Variants in SLCO6A1 observed in about 807,000 individuals in gnomAD.
The protein encoded by SLCO6A1 is cancer/testis antigen 48.
Under a neutral mutation model 72.7 loss-of-function variants are expected in SLCO6A1, and 65 were observed. The observed-to-expected ratio is 0.89, with a 90% CI of 0.73 to 1.10. The LOEUF (loss-of-function observed/expected upper bound fraction) is 1.10. Ranked by LOEUF, SLCO6A1 falls within the 50% of genes least tolerant of loss-of-function variation. SLCO6A1 has a pLI of 0.00. For synonymous variants in SLCO6A1, 314 were observed against 298.2 expected (o/e 1.05, Z -0.55); for missense variants, 874 against 872.6 (o/e 1.00, Z -0.02).
chr5:102,398,370 G>T (rs1747216069), intron 10 of SLCO6A1, among the ~76,000 whole-genome samples: 1 of 151,958 alleles, frequency 6.6e-6, no homozygotes, highest in Non-Finnish European at 1.5e-5. Flanking sequence ...TAGAGACAGG[G>T]TTTCACCATG....
intron 6 of SLCO6A1, among the ~76,000 whole-genome samples, chr5:102,440,442 C>T (rs542894103): frequency 6.6e-6 from 1 of 152,264 alleles, no homozygotes; most frequent in Admixed American, 6.5e-5. Flanking sequence ...CTGTCACTAT[C>T]TCCCATCACC....
chr5:102,391,206 A>G, intron 10 of SLCO6A1, 161 bp from the exon 11 acceptor site: 1 of 631,304 alleles, frequency 1.6e-6, no homozygotes, highest in South Asian at 2.1e-5. Flanking sequence ...AAAGGACTAC[A>G]ACTCCCCATT....
At chr5:102,476,967 T>C (rs909404379) in intron 3 of SLCO6A1, among the ~76,000 whole-genome samples, 5 of 152,122 alleles carry the variant, frequency 3.3e-5, no homozygotes, top group Non-Finnish European at 5.9e-5. Context: ...TTCTGAGATA[T>C]AGCCAGGATT....
At chr5:102,442,408 C>CT (rs1239602698) in intron 6 of SLCO6A1, among the ~76,000 whole-genome samples, 1 of 152,124 alleles carries the variant, frequency 6.6e-6, no homozygotes, top group Non-Finnish European at 1.5e-5. Context: ...ACAATAATGT[C>CT]TATTTTTTTG....
rs188780062 is a variant in SLCO6A1 at position 102,451,437 on chromosome 5, C to T, written c.1131+6945G>A. ...GGGGGCATGTGAGAGAACCTGGCCT[C>T]CTTTATTGGCAGAAACACAGCTGCT... On this transcript the variant is annotated intron_variant, in intron 6 of 13. Coordinates refer to ENST00000506729, the MANE Select transcript of SLCO6A1 (RefSeq NM_173488.5). 6.6e-4 allele frequency among the ~76,000 whole-genome samples: 101 copies of T among 152,284 alleles called. 1 individual carries two copies. The highest frequency in any genetic ancestry group is 3.1e-3 in the East Asian group (16 of 5,178).
chr5:102,432,187 T>C (rs1165906805), intron 7 of SLCO6A1, among the ~76,000 whole-genome samples: 1 of 152,210 alleles, frequency 6.6e-6, no homozygotes, highest in African/African-American at 2.4e-5. Context: ...TGCTTTTCTA[T>C]TCAGCTTGCC....
chr5:102,389,933 T>C (rs1244960299), intron 11 of SLCO6A1, among the ~76,000 whole-genome samples: 3 of 152,110 alleles, frequency 2.0e-5, no homozygotes, highest in Non-Finnish European at 4.4e-5. Context: ...AGAGACACAG[T>C]CTTGTTATAT....
intron 7 of SLCO6A1, among the ~76,000 whole-genome samples, chr5:102,436,963 G>C (rs1333886098): frequency 6.6e-6 from 1 of 152,166 alleles, no homozygotes; most frequent in Non-Finnish European, 1.5e-5. Context: ...AGATCATCAA[G>C]TGTTTATATC....
chr5:102,396,119 G>A (rs1747066459), intron 10 of SLCO6A1, among the ~76,000 whole-genome samples: 1 of 152,146 alleles, frequency 6.6e-6, no homozygotes, highest in Admixed American at 6.5e-5. Flanking sequence ...CCTTGCCCAT[G>A]CCTATGTGCT....
intron 11 of SLCO6A1, among the ~76,000 whole-genome samples, chr5:102,389,641 C>CAA (rs1746637095): frequency 6.7e-6 from 1 of 149,632 alleles, no homozygotes; most frequent in Non-Finnish European, 1.5e-5. Context: ...TTTAATTACT[C>CAA]AAGTTTAAAA....
chr5:102,429,257 A>C (rs55843474), intron 7 of SLCO6A1, among the ~76,000 whole-genome samples: 32,517 of 152,000 alleles, frequency 0.21, 4,564 homozygotes, highest in Non-Finnish European at 0.28. Flanking sequence ...TAGATTGTCT[A>C]GTTTACTCTG....
intron 12 of SLCO6A1, among the ~76,000 whole-genome samples, chr5:102,381,732 T>TTTC (rs1746120868): frequency 5.6e-5 from 1 of 17,776 alleles, no homozygotes; most frequent in Middle Eastern, 0.016. Flanking sequence ...AATATTTATC[T>TTTC]TTTTTTTTTT....
chr5:102,479,802 C>T (rs1752095929), intron 2 of SLCO6A1, among the ~76,000 whole-genome samples: 1 of 152,108 alleles, frequency 6.6e-6, no homozygotes, highest in Admixed American at 6.6e-5. Flanking sequence ...GATTAATAAA[C>T]TCAAGGAGGT....
chr5:102,389,855 T>A (rs1480269781), intron 11 of SLCO6A1, among the ~76,000 whole-genome samples: 2 of 124,180 alleles, frequency 1.6e-5, no homozygotes, highest in Non-Finnish European at 3.5e-5. Flanking sequence ...ATCTCCTGTA[T>A]TTTTTCTTCT....
At chr5:102,458,867 C>T (rs1181521432) in intron 5 of SLCO6A1, among the ~76,000 whole-genome samples, 1 of 152,054 alleles carries the variant, frequency 6.6e-6, no homozygotes, top group Non-Finnish European at 1.5e-5. Flanking sequence ...ATAACTAAAA[C>T]TATTTTGTGC....
At chr5:102,390,245 T>G (rs1362073952) in intron 11 of SLCO6A1, among the ~76,000 whole-genome samples, 1 of 152,188 alleles carries the variant, frequency 6.6e-6, no homozygotes, top group Non-Finnish European at 1.5e-5. Context: ...ACTGACTGTT[T>G]CCTATGCTAC....
intron 8 of SLCO6A1, among the ~76,000 whole-genome samples, chr5:102,416,728 T>C (rs1327903826): frequency 1.3e-5 from 2 of 151,640 alleles, no homozygotes; most frequent in Non-Finnish European, 3.0e-5. Flanking sequence ...CACAAATTTA[T>C]GTAAATAAAA....
At chr5:102,488,183 A>G (rs2112852371) in intron 1 of SLCO6A1, among the ~76,000 whole-genome samples, 1 of 152,328 alleles carries the variant, frequency 6.6e-6, no homozygotes, top group East Asian at 1.9e-4. Context: ...TAATTCCAAT[A>G]CAATAACTAT....
intron 12 of SLCO6A1, among the ~76,000 whole-genome samples, chr5:102,380,386 AAAAG>A (rs879364250): frequency 9.9e-5 from 15 of 152,060 alleles, no homozygotes; most frequent in Non-Finnish European, 1.8e-4. Flanking sequence ...TAAGATTTGA[AAAAG>A]AAAGATCAGA....
Sources: allele counts gnomAD v4.1 joint callset (sites outside exome capture counted in the v4.1 genomes callset), GRCh38; gene constraint gnomAD v4.1.1; transcripts MANE v1.5; gene names NCBI Gene and HGNC (gene_info 2026-07-23, HGNC 2026-07-21).